XXYLT1: variants seen among roughly 807,000 people sequenced by gnomAD.
XXYLT1 encodes xyloside xylosyltransferase 1, also known as UDP-xylose:alpha-xyloside alpha-1,3-xylosyltransferase.
In XXYLT1, 20 loss-of-function variants were observed where a neutral mutation model predicts 28.9. The ratio of observed to expected loss-of-function variants is 0.69; its 90% confidence interval spans 0.49 to 1.00. The LOEUF is 1.00. Among genes scored for constraint, XXYLT1 ranks in the 50% least tolerant of loss-of-function variants. XXYLT1 has a pLI of 0.00. For missense variants in XXYLT1, 542 were observed against 560.1 expected, an observed-to-expected ratio of 0.97 and a Z score of 0.33; for synonymous variants, 257 against 253.8, an observed-to-expected ratio of 1.01 and a Z score of -0.12.
At chr3:195,096,858 G>A (rs1577021095) in intron 3 of XXYLT1, among the ~76,000 whole-genome samples, 2 of 152,312 alleles carry the variant, frequency 1.3e-5, no homozygotes, top group East Asian at 3.9e-4. Flanking sequence ...CAACAGTAAT[G>A]CCCACTCAGT....
intron 3 of XXYLT1, among the ~76,000 whole-genome samples, chr3:195,113,076 T>C (rs903304): frequency 0.47 from 71,704 of 152,114 alleles, 18,208 homozygotes; most frequent in Non-Finnish European, 0.55. Context: ...CATTAATCCA[T>C]ACCCAGAGGC....
intron 2 of XXYLT1, among the ~76,000 whole-genome samples, chr3:195,177,936 TAAA>T (rs56022005): frequency 5.2e-5 from 6 of 115,644 alleles, no homozygotes; most frequent in African/African-American, 2.1e-4. Context: ...CTCTGTCTCT[TAAA>T]AAAAAAAAAA....
At chr3:195,188,993 C>T (rs114415487) in intron 2 of XXYLT1, among the ~76,000 whole-genome samples, 2,387 of 152,308 alleles carry the variant, frequency 0.016, 50 homozygotes, top group African/African-American at 0.053. Context: ...ATTTTCCTCA[C>T]ACAATGATAA....
chr3:195,088,556 T>TA, intron 3 of XXYLT1, among the ~76,000 whole-genome samples: 1 of 119,840 alleles, frequency 8.3e-6, no homozygotes. Context: ...CAAAAGTAGA[T>TA]AAAACCACAA....
intron 3 of XXYLT1, among the ~76,000 whole-genome samples, chr3:195,080,930 A>G (rs1446492341): frequency 6.6e-6 from 1 of 152,240 alleles, no homozygotes; most frequent in Admixed American, 6.5e-5. Context: ...TCTCAAGATC[A>G]GAAAAAGTGG....
chr3:195,148,542 C>CATTTATGCATCTCGTA (rs1391219441), intron 3 of XXYLT1, among the ~76,000 whole-genome samples: 7 of 152,082 alleles, frequency 4.6e-5, no homozygotes, highest in Non-Finnish European at 1.0e-4. Flanking sequence ...TCAAGTCCTA[C>CATTTATGCATCTCGTA]ATTTATGCAT....
Position 195,197,298 on chromosome 3 carries a change from G to A in XXYLT1, c.652+29411C>T, listed in dbSNP as rs538403129. ...CTAAAAATACAAAAATTAGCCGGGC[G>A]TGGTGGTGCACGCCTGTAGTCCCAG... is the stretch of plus-strand genomic sequence containing the variant. On this transcript the variant is annotated intron_variant, in intron 2 of 3. Transcript: ENST00000310380. Among the ~76,000 whole-genome samples, 294 of 152,220 alleles carry A rather than the reference G, an allele frequency of 1.9e-3. 1 individual carries two copies. Among genetic ancestry groups the A allele is most frequent in the African/African-American group, 6.6e-3 (273 of 41,554 alleles).
At chr3:195,110,261 GT>G (rs1560100590) in intron 3 of XXYLT1, among the ~76,000 whole-genome samples, 7 of 77,576 alleles carry the variant, frequency 9.0e-5, no homozygotes, top group Non-Finnish European at 1.5e-4. Context: ...TGAAGTGTGT[GT>G]GGGTGTGTGG....
chr3:195,142,991 T>G (rs1349269816), intron 3 of XXYLT1, among the ~76,000 whole-genome samples: 1 of 152,118 alleles, frequency 6.6e-6, no homozygotes, highest in African/African-American at 2.4e-5. Context: ...CTCAGACAAT[T>G]AAAGTAATTG....
chr3:195,180,484 C>G lies in XXYLT1; in HGVS notation c.653-23903G>C. On this transcript the variant is annotated intron_variant, in intron 2 of 3. Transcript: ENST00000310380. This position sits in a 1 kb window ranked among gnomAD's most constrained non-coding sequence, Gnocchi z 5.8. ...TTTGAACAATTTCCTGTTCCTTTTT[C>G]TTTCTATGCTCCTCTTCCTGGCTCT... 4.1e-6 allele frequency: 4 copies of G among 985,514 alleles called. No homozygotes were observed. Among genetic ancestry groups the G allele is most frequent in the Non-Finnish European group, 4.8e-6 (4 of 830,004 alleles). 61.0% of individuals were successfully genotyped at this position (985,514 alleles called of 1,614,324 possible). A position where few individuals can be genotyped will look rare whatever the true frequency, so the allele number is the denominator to read the frequency against.
intron 2 of XXYLT1, among the ~76,000 whole-genome samples, chr3:195,198,739 C>A (rs997529392): frequency 6.6e-6 from 1 of 152,120 alleles, no homozygotes; most frequent in Non-Finnish European, 1.5e-5. Flanking sequence ...ACTATGAACA[C>A]CTCTATCACC....
intron 1 of XXYLT1, among the ~76,000 whole-genome samples, chr3:195,248,379 G>A (rs1725119794): frequency 6.6e-6 from 1 of 152,128 alleles, no homozygotes; most frequent in South Asian, 2.1e-4. Context: ...GAATCGTGCG[G>A]GCAGGTCTTT....
chr3:195,142,935 C>T (rs1014005944), intron 3 of XXYLT1, among the ~76,000 whole-genome samples: 15 of 152,252 alleles, frequency 9.9e-5, no homozygotes, highest in South Asian at 2.1e-4. Context: ...AAAGCATCTT[C>T]GGGCACCGAG....
chr3:195,271,119 A>G lies in XXYLT1; in HGVS notation c.-61T>C, dbSNP rs1216848860. 7.8e-7 allele frequency: 1 copy of G among 1,274,488 alleles called. No homozygotes were observed. Among genetic ancestry groups the G allele is most frequent in the Non-Finnish European group, 9.9e-7 (1 of 1,012,672 alleles). The allele number at this position is 1,274,488 out of a possible 1,614,324, so 78.9% of individuals were successfully genotyped here. A position where few individuals can be genotyped will look rare whatever the true frequency, so the allele number is the denominator to read the frequency against. On this transcript the variant is annotated 5_prime_UTR_variant, in exon 1 of 4. Coordinates refer to ENST00000310380, the MANE Select transcript of XXYLT1 (RefSeq NM_152531.5). Reference sequence around the variant, plus strand: ...CGCGGGAGAGCCCTCGGGTACCCGGACGCCGGCGGCCACTTAGCCCCGGCG... The same window carrying G: ...CGCGGGAGAGCCCTCGGGTACCCGGGCGCCGGCGGCCACTTAGCCCCGGCG...
chr3:195,088,379 T>C (rs944638881), intron 3 of XXYLT1, among the ~76,000 whole-genome samples: 13 of 147,036 alleles, frequency 8.8e-5, no homozygotes, highest in African/African-American at 2.9e-4. Context: ...CCCTGACCCC[T>C]GACCCCCGAG....
At chr3:195,112,954 T>G (rs1294812430) in intron 3 of XXYLT1, among the ~76,000 whole-genome samples, 2 of 152,304 alleles carry the variant, frequency 1.3e-5, no homozygotes, top group Middle Eastern at 3.4e-3. Context: ...CAAGAGAACA[T>G]GGGTTTCAAA....
intron 3 of XXYLT1, among the ~76,000 whole-genome samples, chr3:195,097,087 G>C (rs752867901): frequency 6.6e-6 from 1 of 152,214 alleles, no homozygotes; most frequent in Non-Finnish European, 1.5e-5. Context: ...CCATGTCCCT[G>C]TTGTCTTGAA....
intron 3 of XXYLT1, among the ~76,000 whole-genome samples, chr3:195,098,342 A>G (rs1186167733): frequency 2.6e-5 from 4 of 152,168 alleles, no homozygotes; most frequent in African/African-American, 9.7e-5. Context: ...TCACGAGGTC[A>G]GAAGATCGAG....
intron 3 of XXYLT1, among the ~76,000 whole-genome samples, chr3:195,084,772 A>G (rs181496439): frequency 1.4e-3 from 210 of 152,300 alleles, no homozygotes; most frequent in Non-Finnish European, 2.3e-3. Context: ...CATTCATTCA[A>G]TTAGGCTTCA....
Sources: allele counts gnomAD v4.1 joint callset (sites outside exome capture counted in the v4.1 genomes callset), GRCh38; gene constraint gnomAD v4.1.1; non-coding constraint Gnocchi (gnomAD v3.1); transcripts MANE v1.5; gene names NCBI Gene and HGNC (gene_info 2026-07-23, HGNC 2026-07-21).